The following PCDHGA8 variants were observed in gnomAD, a reference collection of about 807,000 sequenced individuals.
PCDHGA8 encodes protocadherin gamma-A8.
A neutral mutation model predicts 59.2 loss-of-function variants in PCDHGA8; 45 were observed. The observed-to-expected ratio is 0.76, with a 90% CI of 0.60 to 0.98. The LOEUF (loss-of-function observed/expected upper bound fraction) is 0.98. PCDHGA8 is among the 50% of genes least tolerant of loss of function. The pLI is 0.00. For synonymous variants in PCDHGA8, 531 were observed against 519.0 expected (o/e 1.02, Z -0.32); for missense variants, 1,257 against 1,196.2 (o/e 1.05, Z -0.75).
intron 1 of PCDHGA8, chr5:141,430,857 A>G: frequency 1.3e-6 from 2 of 1,591,432 alleles, no homozygotes; most frequent in Non-Finnish European, 1.7e-6. Flanking sequence ...CAGATACGCT[A>G]TTCAGTTCCG....
At chr5:141,483,603 A>T (rs1277479077) in intron 1 of PCDHGA8, among the ~76,000 whole-genome samples, 1 of 152,054 alleles carries the variant, frequency 6.6e-6, no homozygotes, top group Non-Finnish European at 1.5e-5. Context: ...AGGCTGGTTT[A>T]CACCTCCATC....
intron 1 of PCDHGA8, chr5:141,419,942 G>A: frequency 6.2e-7 from 1 of 1,614,070 alleles, no homozygotes. Context: ...CCTGGTGGTG[G>A]CCTTGGCCTT....
intron 1 of PCDHGA8, chr5:141,399,764 T>C: frequency 6.2e-7 from 1 of 1,613,252 alleles, no homozygotes; most frequent in Non-Finnish European, 8.5e-7. Flanking sequence ...AGCCTGCGCG[T>C]GTTGGTGGGC....
Position 141,489,090 on chromosome 5 carries a change from C to CAAA in PCDHGA8, c.2425-5717_2425-5716insAAA. ...CCTGCCCACCCCCGCCACTCGGTGA[C>CAAA]TAAGAACTGCTGCAAGCAGGCAAAC... is the stretch of plus-strand genomic sequence containing the variant. On this transcript the variant is annotated intron_variant, in intron 1 of 3. Transcript: ENST00000398604. The surrounding 1 kb of genome is among the most constrained non-coding windows in gnomAD (Gnocchi z 4.5). 7 of 328,768 alleles carry CAAA rather than the reference C, an allele frequency of 2.1e-5. No homozygotes were observed. The highest frequency in any genetic ancestry group is 6.1e-5 in the Admixed American group (1 of 16,494). The allele number at this position is 328,768 out of a possible 1,614,324, so 20.4% of individuals were successfully genotyped here. A position where few individuals can be genotyped will look rare whatever the true frequency, so the allele number is the denominator to read the frequency against.
chr5:141,413,077 G>A (rs2095603422), intron 1 of PCDHGA8: 1 of 1,287,542 alleles, frequency 7.8e-7, no homozygotes, highest in African/African-American at 1.5e-5. Context: ...AAGTGCCCAG[G>A]CTACAGAGAC....
rs146358809 is a variant in PCDHGA8, at chr5:141,480,913, C to T, written c.2425-13894C>T. 4.1e-3 allele frequency among the ~76,000 whole-genome samples: 617 copies of T among 152,096 alleles called. 6 individuals are homozygous for T. Among genetic ancestry groups the T allele is most frequent in the Admixed American group, 0.011 (171 of 15,272 alleles). ...TGCAAACATTAGCTGGGCATGGTGG[C>T]GCATACCTGTAGTCCCAGCTACTCT... On this transcript the variant is annotated intron_variant, in intron 1 of 3. Transcript: ENST00000398604.
intron 1 of PCDHGA8, chr5:141,422,396 A>G (rs767394630): frequency 6.3e-6 from 10 of 1,597,278 alleles, no homozygotes; most frequent in Non-Finnish European, 8.5e-6. Flanking sequence ...ATTCCTAACC[A>G]CCTGCCTTTT....
chr5:141,423,610 G>GT, intron 1 of PCDHGA8: 1 of 1,611,424 alleles, frequency 6.2e-7, no homozygotes, highest in African/African-American at 1.3e-5. Context: ...ACTCTTGATA[G>GT]CTGAAGACTC....
At chr5:141,399,254 G>A (rs2093775351) in intron 1 of PCDHGA8, 1 of 1,613,806 alleles carries the variant, frequency 6.2e-7, no homozygotes, top group East Asian at 2.2e-5. Context: ...GGGGAAAATG[G>A]GGAGGTTAAT....
chr5:141,481,679 C>T (rs2099541734), intron 1 of PCDHGA8, among the ~76,000 whole-genome samples: 1 of 151,948 alleles, frequency 6.6e-6, no homozygotes, highest in Non-Finnish European at 1.5e-5. Context: ...TCAGGCCGGG[C>T]CTGGTGGCTC....
intron 1 of PCDHGA8, among the ~76,000 whole-genome samples, chr5:141,465,206 C>T (rs375753635): frequency 1.8e-4 from 27 of 151,896 alleles, no homozygotes; most frequent in Middle Eastern, 3.4e-3. Context: ...AAAATATAAG[C>T]TTTATTTTTC....
chr5:141,465,893 C>T (rs926928579), intron 1 of PCDHGA8, among the ~76,000 whole-genome samples: 23 of 152,078 alleles, frequency 1.5e-4, no homozygotes, highest in Middle Eastern at 3.4e-3. Context: ...GAGGCCGAGG[C>T]GGGCAAATCA....
intron 1 of PCDHGA8, among the ~76,000 whole-genome samples, chr5:141,482,530 C>CGAAAAAAA (rs2099566141): frequency 1.3e-5 from 1 of 76,562 alleles, no homozygotes; most frequent in African/African-American, 4.8e-5. Context: ...GACAGACATG[C>CGAAAAAAA]AAAAAAAAAA....
intron 1 of PCDHGA8, chr5:141,422,851 C>A (rs1459531183): frequency 1.2e-6 from 2 of 1,614,122 alleles, no homozygotes; most frequent in African/African-American, 1.3e-5. Flanking sequence ...CGGGGACCCG[C>A]CCCTCAGCAG....
intron 1 of PCDHGA8, among the ~76,000 whole-genome samples, chr5:141,488,115 G>A (rs936010936): frequency 1.4e-4 from 21 of 152,298 alleles, no homozygotes; most frequent in Middle Eastern, 3.4e-3. Flanking sequence ...TTGAAACATA[G>A]AGACAGCAGA....
At chr5:141,504,452 T>C (rs1208972630) in intron 2 of PCDHGA8, among the ~76,000 whole-genome samples, 1 of 152,060 alleles carries the variant, frequency 6.6e-6, no homozygotes, top group Non-Finnish European at 1.5e-5. Flanking sequence ...TAGTGCCATG[T>C]GGGGCAGCCG....
intron 1 of PCDHGA8, among the ~76,000 whole-genome samples, chr5:141,472,992 A>G (rs2099309983): frequency 6.6e-6 from 1 of 151,994 alleles, no homozygotes; most frequent in South Asian, 2.1e-4. Context: ...AAAAAAAAAA[A>G]AAAAAGAAAG....
rs562479827 is a variant in PCDHGA8, at chr5:141,430,802, C to A, written c.2424+35565C>A. The A allele has an allele frequency of 1.2e-5, 18 of 1,524,776 alleles. No homozygotes were observed. The East Asian group carries it at 3.9e-4, about 33-fold the overall frequency. The allele number at this position is 1,524,776 out of a possible 1,614,324, so 94.5% of individuals were successfully genotyped here. On this transcript the variant is annotated intron_variant, in intron 1 of 3. Coordinates refer to ENST00000398604, the MANE Select transcript of PCDHGA8 (RefSeq NM_032088.2). ...GCACCGGGACTACAAAGGGCTTGTC[C>A]TGCTGGGAATCCTCCTGGGGACTCT... is the stretch of plus-strand genomic sequence containing the variant.
At chr5:141,478,570 G>T (rs1255499966) in intron 1 of PCDHGA8, 1 of 1,590,156 alleles carries the variant, frequency 6.3e-7, no homozygotes, top group Admixed American at 1.8e-5. Context: ...AGTCATGCTT[G>T]ACCCTGTTAG....
Sources: gnomAD v4.1 joint callset for allele counts (sites outside exome capture counted in the v4.1 genomes callset) on GRCh38, gnomAD v4.1.1 for gene constraint, Gnocchi (gnomAD v3.1) non-coding constraint, MANE v1.5 for transcripts, NCBI Gene and HGNC (gene_info 2026-07-23, HGNC 2026-07-21) for gene names.